PVT1: variants seen among roughly 807,000 people sequenced by gnomAD.
PVT1 encodes the protein Pvt1 oncogene, also known as CXCR4/PVT1 fusion.
intron 4 of PVT1, among the ~76,000 whole-genome samples, chr8:128,023,278 C>G (rs554205340): frequency 9.2e-5 from 14 of 152,260 alleles, no homozygotes; most frequent in Non-Finnish European, 1.6e-4. Context: ...AAGAATGACA[C>G]ATAGAACATA....
At chr8:127,866,906 A>C (rs1298264926) in intron 2 of PVT1, among the ~76,000 whole-genome samples, 2 of 152,112 alleles carry the variant, frequency 1.3e-5, no homozygotes, top group Non-Finnish European at 2.9e-5. Flanking sequence ...GTGTTAGAGG[A>C]AGGCTCCTTG....
intron 3 of PVT1, among the ~76,000 whole-genome samples, chr8:127,935,270 A>T (rs1163229499): frequency 6.6e-6 from 1 of 152,106 alleles, no homozygotes; most frequent in African/African-American, 2.4e-5. Flanking sequence ...CCCGGTGCCC[A>T]GCCAGTTCTC....
intron 2 of PVT1, among the ~76,000 whole-genome samples, chr8:127,817,546 TACACACAC>T (rs1554588971): frequency 7.8e-5 from 7 of 89,926 alleles, no homozygotes; most frequent in African/African-American, 2.3e-4. Flanking sequence ...TATATATATA[TACACACAC>T]ACACACATAT....
rs114299765 is a variant in PVT1 at position 128,081,165 on chromosome 8, C to A, written n.1114+10804C>A. ...GTGTCAGTCCTCCAGCTTGTGTGTT[C>A]TTTTCCTGCAGTATTGTGTCAGCTA... On this transcript the variant is annotated intron_variant and non_coding_transcript_variant, in intron 5 of 10. Coordinates refer to ENST00000651587, the Ensembl canonical transcript of PVT1. 3.8e-3 allele frequency among the ~76,000 whole-genome samples: 581 copies of A among 152,258 alleles called. 2 individuals carry two copies. The highest frequency in any genetic ancestry group is 0.013 in the African/African-American group (559 of 41,554).
chr8:127,865,699 G>T (rs1815279550), intron 2 of PVT1, among the ~76,000 whole-genome samples: 1 of 152,216 alleles, frequency 6.6e-6, no homozygotes, highest in East Asian at 1.9e-4. Context: ...TTTGAACTTT[G>T]TATGTTCAGA....
intron 2 of PVT1, among the ~76,000 whole-genome samples, chr8:127,875,385 T>C (rs1815394786): frequency 7.0e-6 from 1 of 143,870 alleles, no homozygotes; most frequent in East Asian, 2.0e-4. Flanking sequence ...CTCTCTCTCT[T>C]CTTTCTCCCT....
At chr8:127,879,193 A>G (rs771833401) in intron 2 of PVT1, among the ~76,000 whole-genome samples, 1 of 152,168 alleles carries the variant, frequency 6.6e-6, no homozygotes, top group Non-Finnish European at 1.5e-5. Context: ...AGTCTTTCTC[A>G]TCACATAATT....
At chr8:127,800,001 C>T (rs1001156124) in intron 2 of PVT1, among the ~76,000 whole-genome samples, 1 of 152,124 alleles carries the variant, frequency 6.6e-6, no homozygotes. Flanking sequence ...AAGGGCTGTC[C>T]CTCGGATGTC....
intron 5 of PVT1, among the ~76,000 whole-genome samples, chr8:128,095,727 A>C (rs1814419506): frequency 1.3e-5 from 2 of 152,240 alleles, no homozygotes; most frequent in Admixed American, 1.3e-4. Context: ...ATGTCAGGGT[A>C]ACCCTGTCTG....
intron 3 of PVT1, among the ~76,000 whole-genome samples, chr8:127,905,102 T>C (rs1047165411): frequency 1.3e-5 from 2 of 152,234 alleles, no homozygotes; most frequent in Non-Finnish European, 2.9e-5. Flanking sequence ...GAAAAGTTTC[T>C]CTCTCCCCTG....
chr8:127,970,819 C>G (rs958984843), intron 3 of PVT1, among the ~76,000 whole-genome samples: 4 of 152,138 alleles, frequency 2.6e-5, no homozygotes, highest in Admixed American at 2.6e-4. Flanking sequence ...CCTTAAAGCC[C>G]AAGTGCTCTA....
chr8:127,936,528 G>A (rs567268714), intron 3 of PVT1, among the ~76,000 whole-genome samples: 7 of 152,262 alleles, frequency 4.6e-5, no homozygotes, highest in African/African-American at 1.7e-4. Flanking sequence ...CCCAATGCTG[G>A]TCTGACACTT....
intron 2 of PVT1, chr8:127,855,179 A>C (rs1815147991): frequency 2.5e-6 from 1 of 398,658 alleles, no homozygotes. Flanking sequence ...GCAGTGCAGG[A>C]AGCCAACTAT....
intron 2 of PVT1, among the ~76,000 whole-genome samples, chr8:127,870,126 C>T (rs1815335811): frequency 6.6e-6 from 1 of 152,062 alleles, no homozygotes; most frequent in Admixed American, 6.5e-5. Flanking sequence ...TTTTAGATGT[C>T]ATTACTTAAG....
intron 3 of PVT1, among the ~76,000 whole-genome samples, chr8:127,922,278 C>A (rs1586437334): frequency 3.1e-4 from 1 of 3,254 alleles, no homozygotes; most frequent in African/African-American, 1.0e-3. Flanking sequence ...AGATACCCAC[C>A]CCCCCCCCCA....
intron 2 of PVT1, among the ~76,000 whole-genome samples, chr8:127,808,047 C>A (rs372587684): frequency 5.9e-5 from 9 of 151,734 alleles, no homozygotes; most frequent in African/African-American, 2.2e-4. Context: ...GGATTACAGA[C>A]GTGAGCCACC....
chr8:127,814,399 A>G (rs1814636076), intron 2 of PVT1, among the ~76,000 whole-genome samples: 1 of 152,042 alleles, frequency 6.6e-6, no homozygotes, highest in South Asian at 2.1e-4. Context: ...CCTTGTCTTT[A>G]TTTCTTCCCC....
intron 3 of PVT1, among the ~76,000 whole-genome samples, chr8:127,915,192 C>T (rs1815967537): frequency 6.6e-6 from 1 of 152,086 alleles, no homozygotes; most frequent in Admixed American, 6.5e-5. Flanking sequence ...GGTGATTATA[C>T]CACATTGTGA....
intron 4 of PVT1, among the ~76,000 whole-genome samples, chr8:128,052,631 T>C (rs1813712339): frequency 6.6e-6 from 1 of 152,236 alleles, no homozygotes; most frequent in African/African-American, 2.4e-5. Context: ...TTTAAAATGA[T>C]ACATTTAGTT....
Sources: gnomAD v4.1 joint callset for allele counts (sites outside exome capture counted in the v4.1 genomes callset) on GRCh38, gnomAD v4.1.1 for gene constraint, MANE v1.5 for transcripts, NCBI Gene and HGNC (gene_info 2026-07-23, HGNC 2026-07-21) for gene names.